The following ERC1 variants were observed in gnomAD, a reference collection of about 807,000 sequenced individuals.
ERC1 encodes ELKS/RAB6-interacting/CAST family member 1.
In ERC1, 56 loss-of-function variants were observed where a neutral mutation model predicts 132.0. The ratio of observed to expected loss-of-function variants is 0.42; its 90% CI spans 0.34 to 0.53. The LOEUF (loss-of-function observed/expected upper bound fraction) is 0.53, where lower values mean the gene tolerates loss of function less well. Ranked by LOEUF, ERC1 falls within the 20% of genes least tolerant of loss-of-function variation. The pLI is 0.03. For synonymous variants in ERC1, 478 were observed against 476.1 expected (o/e 1.00, Z -0.05); for missense variants, 1,202 against 1,349.9 (o/e 0.89, Z 1.72).
chr12:1,256,767 A>G (rs1756264428), intron 13 of ERC1, among the ~76,000 whole-genome samples: 3 of 150,752 alleles, frequency 2.0e-5, no homozygotes, highest in Non-Finnish European at 4.4e-5. Flanking sequence ...TAGTCTCCAT[A>G]ATATCTGCCT....
intron 15 of ERC1, among the ~76,000 whole-genome samples, chr12:1,318,915 C>T (rs1020794267): frequency 3.3e-5 from 5 of 151,972 alleles, no homozygotes; most frequent in Non-Finnish European, 5.9e-5. Flanking sequence ...CAGCTCCAAG[C>T]AACAGTCTCT....
At chr12:1,165,350 G>A (rs987805444) in intron 8 of ERC1, among the ~76,000 whole-genome samples, 12 of 150,724 alleles carry the variant, frequency 8.0e-5, no homozygotes, top group African/African-American at 2.4e-4. Flanking sequence ...CTGTTGCCCC[G>A]GCTGGAGTGC....
Position 1,491,017 on chromosome 12 carries a change from T to C in ERC1, c.*787T>C, listed in dbSNP as rs753450219. The C allele has an allele frequency of 4.3e-6, 1 of 232,788 alleles. No homozygotes were observed. Among genetic ancestry groups the C allele is most frequent in the Non-Finnish European group, 8.5e-6 (1 of 117,810 alleles). The allele number at this position is 232,788 out of a possible 1,614,324, so 14.4% of individuals were successfully genotyped here. A position where few individuals can be genotyped will look rare whatever the true frequency, so the allele number is the denominator to read the frequency against. ...GAGGTGTTAGATCAAATATCTCTAA[T>C]TGAAGAACATGTGAGGTTGAAAGAG... On this transcript the variant is annotated 3_prime_UTR_variant, in exon 19 of 19. Transcript: ENST00000360905.
chr12:1,095,345 G>T (rs111492113), intron 3 of ERC1, among the ~76,000 whole-genome samples: 4,618 of 144,538 alleles, frequency 0.032, 226 homozygotes, highest in African/African-American at 0.11. Flanking sequence ...CAGGAGAATC[G>T]CTTGAACTCG....
intron 13 of ERC1, among the ~76,000 whole-genome samples, chr12:1,261,032 G>T (rs2077109704): frequency 6.6e-6 from 1 of 152,190 alleles, no homozygotes; most frequent in Non-Finnish European, 1.5e-5. Context: ...CATGACATGA[G>T]TTTTATAATG....
At chr12:1,040,092 A>G (rs976348506) in intron 2 of ERC1, among the ~76,000 whole-genome samples, 1 of 152,334 alleles carries the variant, frequency 6.6e-6, no homozygotes, top group Admixed American at 6.5e-5. Context: ...GTTAACAACA[A>G]GTTTATTGGA....
chr12:1,136,116 C>G (rs1222141135), intron 7 of ERC1, among the ~76,000 whole-genome samples: 1 of 152,194 alleles, frequency 6.6e-6, no homozygotes, highest in Non-Finnish European at 1.5e-5. Context: ...ACTTATCTCT[C>G]TTTTATCCCT....
Position 1,083,454 on chromosome 12 carries a change from A to G in ERC1, c.960A>G (p.Gly320=). ...KKLLEMLQSK[G]LSAKATEEDH... is the part of the protein sequence containing the mutation. The stretch of plus-strand genomic sequence containing the variant: ...TTCTGGAAATGTTGCAGAGCAAAGG[A>G]CTTTCTGCCAAGGCTACCGAGGAAG... Residue 320 remains glycine, a synonymous_variant, in exon 3 of 19, where the codon GGA becomes GGG. Transcript: ENST00000360905. The G allele has an allele frequency of 6.2e-7, 1 of 1,614,222 alleles. No homozygotes were observed. The highest frequency in any genetic ancestry group is 8.5e-7 in the Non-Finnish European group (1 of 1,180,024).
chr12:1,381,910 G>A (rs930345429), intron 16 of ERC1, among the ~76,000 whole-genome samples: 1 of 150,094 alleles, frequency 6.7e-6, no homozygotes, highest in Non-Finnish European at 1.5e-5. Context: ...TGAGAAGAAA[G>A]GAGGGAGGGA....
chr12:1,447,959 T>A (rs2093344468), intron 18 of ERC1, among the ~76,000 whole-genome samples: 1 of 152,150 alleles, frequency 6.6e-6, no homozygotes, highest in African/African-American at 2.4e-5. Flanking sequence ...CAGCTTGTCT[T>A]TGAAATGGAA....
intron 15 of ERC1, among the ~76,000 whole-genome samples, chr12:1,353,231 C>T (rs528426839): frequency 1.7e-4 from 26 of 152,020 alleles, no homozygotes; most frequent in Non-Finnish European, 3.2e-4. Flanking sequence ...GGGGTTTCAC[C>T]GTGTTAGCCA....
intron 15 of ERC1, among the ~76,000 whole-genome samples, chr12:1,300,288 T>C (rs1050405469): frequency 2.6e-5 from 4 of 152,162 alleles, no homozygotes; most frequent in Admixed American, 2.6e-4. Context: ...AACTGGACTC[T>C]TTCCTTACAC....
At chr12:1,368,563 G>GAC (rs1476724194) in intron 15 of ERC1, among the ~76,000 whole-genome samples, 1 of 152,012 alleles carries the variant, frequency 6.6e-6, no homozygotes, top group Non-Finnish European at 1.5e-5. Context: ...AGGTAAGTCC[G>GAC]ACTATACCAT....
chr12:1,428,240 G>C (rs1049105913), intron 17 of ERC1, among the ~76,000 whole-genome samples: 1 of 152,084 alleles, frequency 6.6e-6, no homozygotes, highest in South Asian at 2.1e-4. Flanking sequence ...CGTATTACTT[G>C]TTTCCCACAC....
chr12:1,183,263 G>C lies in ERC1; in HGVS notation c.2017-18G>C. The C allele has an allele frequency of 6.7e-7, 1 of 1,501,418 alleles. No individual in the cohort carries two copies. Among genetic ancestry groups the C allele is most frequent in the Non-Finnish European group, 9.0e-7 (1 of 1,111,542 alleles). The allele number at this position is 1,501,418 out of a possible 1,614,324, so 93.0% of individuals were successfully genotyped here. A position where few individuals can be genotyped will look rare whatever the true frequency, so the allele number is the denominator to read the frequency against. On this transcript the variant is annotated intron_variant, in intron 10 of 18. Coordinates refer to ENST00000360905, the MANE Select transcript of ERC1 (RefSeq NM_178040.4). The stretch of plus-strand genomic sequence containing the variant: ...TTTTTTAAAATTATTTATTCTAGAT[G>C]TGTGTTCCTTCTTTTAGGCTTCACT...
At chr12:1,094,958 C>T (rs930288153) in intron 3 of ERC1, among the ~76,000 whole-genome samples, 5 of 151,938 alleles carry the variant, frequency 3.3e-5, no homozygotes, top group African/African-American at 7.3e-5. Flanking sequence ...AGGGACTTCC[C>T]GAACAATGTG....
chr12:1,475,899 A>C (rs1365115167), intron 18 of ERC1, among the ~76,000 whole-genome samples: 1 of 151,724 alleles, frequency 6.6e-6, no homozygotes, highest in African/African-American at 2.4e-5. Context: ...GGGAGGCTGA[A>C]GTGGGAGGAT....
intron 7 of ERC1, among the ~76,000 whole-genome samples, chr12:1,139,036 C>T (rs1949623155): frequency 6.6e-6 from 1 of 152,196 alleles, no homozygotes. Context: ...TACCTGAGAA[C>T]AGAAGTGTGA....
intron 16 of ERC1, among the ~76,000 whole-genome samples, chr12:1,404,298 C>T (rs906998002): frequency 2.0e-5 from 3 of 151,822 alleles, no homozygotes; most frequent in African/African-American, 7.3e-5. Context: ...TTTATTTACT[C>T]ATCCATTTAT....
Sources: allele counts gnomAD v4.1 joint callset (sites outside exome capture counted in the v4.1 genomes callset), GRCh38; gene constraint gnomAD v4.1.1; transcripts MANE v1.5; gene names NCBI Gene and HGNC (gene_info 2026-07-23, HGNC 2026-07-21).